Variants in SLC25A53 observed in about 807,000 individuals in gnomAD.
SLC25A53 encodes mitochondrial carrier triple repeat protein 6.
Under a neutral mutation model 15.0 loss-of-function variants are expected in SLC25A53, and 5 were observed. That is an observed-to-expected ratio of 0.33 (90% CI 0.17 to 0.70). SLC25A53 has a LOEUF of 0.70. SLC25A53 is among the 30% of genes least tolerant of loss of function. SLC25A53 has a pLI of 0.67. For synonymous variants in SLC25A53, 95 were observed against 100.0 expected, an observed-to-expected ratio of 0.95 and a Z score of 0.30; for missense variants, 216 against 241.6, an observed-to-expected ratio of 0.89 and a Z score of 0.70.
chrX:104,121,044 T>C (rs1189235481), intron 1 of SLC25A53, among the ~76,000 whole-genome samples: 1 of 112,589 alleles, frequency 8.9e-6, no homozygotes, highest in Non-Finnish European at 1.9e-5. Flanking sequence ...AATTGTTATA[T>C]ATTGCTGGAT....
intron 1 of SLC25A53, chrX:104,131,325 T>C (rs1359604036): frequency 9.0e-6 from 1 of 111,668 alleles, no homozygotes; most frequent in Non-Finnish European, 1.9e-5. Context: ...GTTAAACTTT[T>C]GTACAGGGCC....
chrX:104,152,878 G>C (rs1419694830), intron 1 of SLC25A53, among the ~76,000 whole-genome samples: 2 of 111,804 alleles, frequency 1.8e-5, no homozygotes, highest in African/African-American at 6.5e-5. Flanking sequence ...TTTGGTTTGG[G>C]GTTTCATTTA....
intron 1 of SLC25A53, chrX:104,114,306 G>C: frequency 8.3e-7 from 1 of 1,211,444 alleles, no homozygotes; most frequent in South Asian, 1.8e-5. Context: ...AAAACTGGCT[G>C]ATCCAAGTCA....
intron 1 of SLC25A53, among the ~76,000 whole-genome samples, chrX:104,137,325 G>A (rs2075438958): frequency 1.8e-5 from 2 of 111,296 alleles, no homozygotes; most frequent in Non-Finnish European, 3.8e-5. Flanking sequence ...GAATCTCCTA[G>A]TAGGAGGTTT....
At chrX:104,138,035 T>C (rs2075441290) in intron 1 of SLC25A53, among the ~76,000 whole-genome samples, 1 of 112,223 alleles carries the variant, frequency 8.9e-6, no homozygotes, top group African/African-American at 3.2e-5. Flanking sequence ...AAAAAGTTTC[T>C]ATTTTGACCA....
At position 104,100,742 on chromosome X, in the gene SLC25A53, T is replaced by C. The variant is rs1484372777; in HGVS notation, c.*3592A>G. The C allele has an allele frequency of 8.9e-6, 1 of 112,506 alleles. No homozygotes were observed. The highest frequency in any genetic ancestry group is 1.9e-5 in the Non-Finnish European group (1 of 53,350). The allele number at this position is 112,506 out of a possible 1,213,427, so 9.3% of individuals were successfully genotyped here. A position where few individuals can be genotyped will look rare whatever the true frequency, so the allele number is the denominator to read the frequency against. Reference sequence around the variant, plus strand: ...AGTAAATTTAAGCAATTATTAGCAATTTAGCTTTAAAATATACTCCGAGGG... The same window carrying C: ...AGTAAATTTAAGCAATTATTAGCAACTTAGCTTTAAAATATACTCCGAGGG... On this transcript the variant is annotated 3_prime_UTR_variant, in exon 2 of 2. Coordinates refer to ENST00000594199, the MANE Select transcript of SLC25A53 (RefSeq NM_001012755.5).
intron 1 of SLC25A53, among the ~76,000 whole-genome samples, chrX:104,138,828 T>G (rs2075443651): frequency 9.0e-6 from 1 of 111,727 alleles, no homozygotes; most frequent in African/African-American, 3.3e-5. Flanking sequence ...CCTGCCGGCG[T>G]GCTGGTAACT....
intron 1 of SLC25A53, among the ~76,000 whole-genome samples, chrX:104,124,155 C>T (rs5963006): frequency 0.046 from 5,134 of 111,424 alleles, 264 homozygotes; most frequent in African/African-American, 0.16. Flanking sequence ...TCCACAATGG[C>T]TGCACTAATT....
rs1556354686 is a variant in SLC25A53, at chrX:104,104,536, G to A, written c.722C>T (p.Ser241Phe). Residue 241 changes from serine to phenylalanine, a missense_variant, in exon 2 of 2, where the codon TCC (serine) becomes TTC (phenylalanine). Physicochemically the swap from Ser to Phe is radical, Grantham distance 155 (BLOSUM62 -2). Transcript: ENST00000594199. ...TGGCATGTTCTGCCATCCAATATGG[G>A]ACTGCATATTAGCAACCAGCACAAT... ...PLIVLVANMQ[S>F]HIGWQNMPSL... 1 of 1,211,459 alleles carries A rather than the reference G, an allele frequency of 8.3e-7. No individual in the cohort carries two copies. The highest frequency in any genetic ancestry group is 2.2e-5 in the Admixed American group (1 of 46,060).
chrX:104,105,426 A>G, intron 1 of SLC25A53, 138 bp from the exon 2 acceptor site: 2 of 419,035 alleles, frequency 4.8e-6, no homozygotes, highest in Non-Finnish European at 8.2e-6. Flanking sequence ...TTTCTGATAT[A>G]TAAGCACACC....
At chrX:104,149,414 C>T (rs782648844) in intron 1 of SLC25A53, among the ~76,000 whole-genome samples, 2 of 112,478 alleles carry the variant, frequency 1.8e-5, no homozygotes, top group Non-Finnish European at 3.8e-5. Flanking sequence ...GGCTGGGGGC[C>T]GTAATCCTTT....
intron 1 of SLC25A53, among the ~76,000 whole-genome samples, chrX:104,147,249 T>C (rs2075470550): frequency 9.0e-6 from 1 of 111,082 alleles, no homozygotes; most frequent in East Asian, 2.8e-4. Flanking sequence ...TGGCTAGCCA[T>C]ATGTAGAAAG....
At position 104,113,918 on chromosome X, in the gene SLC25A53, A is replaced by G. The variant is rs1346645815; in HGVS notation, c.-31-8630T>C. On this transcript the variant is annotated intron_variant, in intron 1 of 1. Transcript: ENST00000594199. ...AAATGCACTGCAAGGCTATTCAGGAAGATAGAGAATGCTACTGCAGACTGC... is the reference window on the plus strand; with the variant it reads ...AAATGCACTGCAAGGCTATTCAGGAGGATAGAGAATGCTACTGCAGACTGC... 6.7e-6 allele frequency: 4 copies of G among 593,807 alleles called. No individual in the cohort carries two copies. The Admixed American group carries it at 1.2e-4, about 17-fold the overall frequency. 48.9% of individuals were successfully genotyped at this position (593,807 alleles called of 1,213,427 possible).
At chrX:104,123,098 C>T (rs1175194921) in intron 1 of SLC25A53, among the ~76,000 whole-genome samples, 1 of 112,131 alleles carries the variant, frequency 8.9e-6, no homozygotes, top group Admixed American at 9.4e-5. Flanking sequence ...GCCATCATAA[C>T]GACACCAATC....
chrX:104,115,440 T>C, intron 1 of SLC25A53: 1 of 735,996 alleles, frequency 1.4e-6, no homozygotes. Flanking sequence ...CAGTTTTCCT[T>C]TGGGAAGGAG....
intron 1 of SLC25A53, among the ~76,000 whole-genome samples, chrX:104,129,497 T>C (rs1415496835): frequency 9.0e-6 from 1 of 110,514 alleles, no homozygotes; most frequent in Admixed American, 9.8e-5. Context: ...GCCACAAAAA[T>C]ATGGCACTAG....
intron 1 of SLC25A53, among the ~76,000 whole-genome samples, chrX:104,109,152 G>C (rs2075326528): frequency 9.0e-6 from 1 of 111,661 alleles, no homozygotes; most frequent in African/African-American, 3.3e-5. Context: ...AGGCACATAG[G>C]CTTAAGAGTG....
Position 104,134,244 on chromosome X carries a change from T to C in SLC25A53, c.-32+22634A>G, listed in dbSNP as rs187160712. On this transcript the variant is annotated intron_variant, in intron 1 of 1. Coordinates refer to ENST00000594199, the MANE Select transcript of SLC25A53 (RefSeq NM_001012755.5). ...GCAAATGTCAGTGTCCTGGGATTTCTCTTACAGCAGAGACTTCTGTTGTTC... is the reference window on the plus strand; with the variant it reads ...GCAAATGTCAGTGTCCTGGGATTTCCCTTACAGCAGAGACTTCTGTTGTTC... Among the ~76,000 whole-genome samples the C allele has an allele frequency of 5.3e-5, 6 of 112,402 alleles. No individual in the cohort carries two copies. In the East Asian group the frequency reaches 1.7e-3, roughly 32 times the overall value.
intron 1 of SLC25A53, among the ~76,000 whole-genome samples, chrX:104,153,246 GTA>G (rs796336204): frequency 0.034 from 2,808 of 81,899 alleles, 83 homozygotes; most frequent in African/African-American, 0.11. Context: ...TAGAGTGTGT[GTA>G]TATATATATA....
Sources: gnomAD v4.1 joint callset for allele counts (sites outside exome capture counted in the v4.1 genomes callset) on GRCh38, gnomAD v4.1.1 for gene constraint, MANE v1.5 for transcripts, NCBI Gene and HGNC (gene_info 2026-07-23, HGNC 2026-07-21) for gene names.